The following SHISAL2B variants were observed in gnomAD, a reference collection of about 807,000 sequenced individuals.
SHISAL2B encodes protein shisa-like-2B.
A neutral mutation model predicts 16.5 loss-of-function variants in SHISAL2B; 12 were observed. The observed-to-expected ratio is 0.73, with a 90% CI of 0.47 to 1.18. SHISAL2B has a LOEUF of 1.18. Ranked by LOEUF, SHISAL2B falls within the 50% of genes most tolerant of loss-of-function variation. The pLI, the probability that SHISAL2B is intolerant of heterozygous loss-of-function variation, is 0.00. For synonymous variants in SHISAL2B, 72 were observed against 75.0 expected, an observed-to-expected ratio of 0.96 and a Z score of 0.21; for missense variants, 183 against 193.6, an observed-to-expected ratio of 0.95 and a Z score of 0.33.
At chr5:64,695,372 T>C (rs1741718016) in intron 1 of SHISAL2B, 135 bp from the exon 2 acceptor site, 1 of 549,818 alleles carries the variant, frequency 1.8e-6, no homozygotes, top group South Asian at 4.2e-5. Context: ...TTTCAATCAG[T>C]TCCTTTTTAT....
chr5:64,692,178 AATCT>A (rs1741660431), intron 1 of SHISAL2B, among the ~76,000 whole-genome samples: 1 of 152,232 alleles, frequency 6.6e-6, no homozygotes, highest in African/African-American at 2.4e-5. Flanking sequence ...ATAACAGAGT[AATCT>A]ATCTCTGGGT....
At chr5:64,715,026 A>T (rs1742025087) in intron 2 of SHISAL2B, among the ~76,000 whole-genome samples, 1 of 152,196 alleles carries the variant, frequency 6.6e-6, no homozygotes, top group South Asian at 2.1e-4. Context: ...TGGGAGCTGT[A>T]GACCGGAGCT....
chr5:64,702,698 T>C (rs1200790917), intron 2 of SHISAL2B, among the ~76,000 whole-genome samples: 1 of 152,128 alleles, frequency 6.6e-6, no homozygotes, highest in African/African-American at 2.4e-5. Context: ...TATTTTCTTC[T>C]AATGCATTTT....
Position 64,695,378 on chromosome 5 carries a change from T to C in SHISAL2B, c.192-129T>C, listed in dbSNP as rs899340579. ...AACTGTAGATTTCAATCAGTTCCTTTTTATGCTAAAATACAATTTGGTTAT... is the reference window on the plus strand; with the variant it reads ...AACTGTAGATTTCAATCAGTTCCTTCTTATGCTAAAATACAATTTGGTTAT... On this transcript the variant is annotated intron_variant, in intron 1 of 2. Coordinates refer to ENST00000389074, the MANE Select transcript of SHISAL2B (RefSeq NM_001164442.2). 7 of 580,860 alleles carry C rather than the reference T, an allele frequency of 1.2e-5. No homozygotes were observed. The Admixed American group carries it at 1.5e-4, about 12-fold the overall frequency. The allele number at this position is 580,860 out of a possible 1,614,324, so 36.0% of individuals were successfully genotyped here.
At chr5:64,698,357 A>G (rs1252781754) in intron 2 of SHISAL2B, among the ~76,000 whole-genome samples, 1 of 152,282 alleles carries the variant, frequency 6.6e-6, no homozygotes, top group East Asian at 1.9e-4. Context: ...ATCTCTTTCA[A>G]TAGAGAAAAC....
intron 2 of SHISAL2B, among the ~76,000 whole-genome samples, chr5:64,698,931 C>T (rs1381682568): frequency 6.6e-6 from 1 of 152,224 alleles, no homozygotes; most frequent in Admixed American, 6.5e-5. Context: ...ATTGCCTTCT[C>T]TATACAACGC....
In SHISAL2B at chr5:64,709,032, CTTTT is replaced by C. The variant is rs141260138; in HGVS notation, c.350-8846_350-8843del. 2.2e-5 allele frequency among the ~76,000 whole-genome samples: 3 copies of C among 137,280 alleles called. No individual in the cohort carries two copies. In the East Asian group the frequency reaches 6.3e-4, roughly 29 times the overall value. The allele number at this position is 137,280 out of a possible 152,430, so 90.1% of individuals were successfully genotyped here. A position where few individuals can be genotyped will look rare whatever the true frequency, so the allele number is the denominator to read the frequency against. On this transcript the variant is annotated intron_variant, in intron 2 of 2. Transcript: ENST00000389074. Reference sequence around the variant, plus strand: ...ATGGAAGCTGCAGTGAGACATCTTTCTTTTTTTTTTTTTTAATATTATACTTTAA... The same window carrying C: ...ATGGAAGCTGCAGTGAGACATCTTTCTTTTTTTTTTAATATTATACTTTAA...
chr5:64,702,241 G>C (rs981728354), intron 2 of SHISAL2B, among the ~76,000 whole-genome samples: 2 of 151,756 alleles, frequency 1.3e-5, no homozygotes, highest in African/African-American at 4.8e-5. Flanking sequence ...GCTCTTGTCG[G>C]CCAGGCTGGA....
intron 1 of SHISAL2B, among the ~76,000 whole-genome samples, chr5:64,695,140 C>T (rs1357895478): frequency 6.6e-6 from 1 of 152,036 alleles, no homozygotes; most frequent in African/African-American, 2.4e-5. Flanking sequence ...TGGCGTGCAC[C>T]TGTAGTCCCA....
chr5:64,700,153 C>T (rs1434507789), intron 2 of SHISAL2B, among the ~76,000 whole-genome samples: 1 of 152,020 alleles, frequency 6.6e-6, no homozygotes, highest in African/African-American at 2.4e-5. Flanking sequence ...TCTGAGTCTA[C>T]ACTCTGAGGG....
chr5:64,694,017 C>T (rs1741692005), intron 1 of SHISAL2B: 2 of 449,650 alleles, frequency 4.4e-6, no homozygotes, highest in Non-Finnish European at 8.9e-6. Context: ...GTTCTGTTCT[C>T]CTTCCTCCCA....
At chr5:64,695,116 T>C (rs1478698930) in intron 1 of SHISAL2B, among the ~76,000 whole-genome samples, 1 of 151,844 alleles carries the variant, frequency 6.6e-6, no homozygotes, top group Non-Finnish European at 1.5e-5. Context: ...ATACAAAAAA[T>C]TAACTGGGCA....
At chr5:64,697,636 A>C (rs895489223) in intron 2 of SHISAL2B, among the ~76,000 whole-genome samples, 2 of 152,102 alleles carry the variant, frequency 1.3e-5, no homozygotes, top group African/African-American at 2.4e-5. Context: ...TTATAGATAT[A>C]AATGGAATTT....
intron 2 of SHISAL2B, among the ~76,000 whole-genome samples, chr5:64,700,653 T>C (rs1741796404): frequency 6.6e-6 from 1 of 152,160 alleles, no homozygotes; most frequent in African/African-American, 2.4e-5. Flanking sequence ...CCTCAAATGA[T>C]CCACCTGTGT....
chr5:64,690,699 C>A lies in SHISAL2B; in HGVS notation c.76C>A (p.Arg26=), dbSNP rs761550753. 6.5e-7 allele frequency: 1 copy of A among 1,535,076 alleles called. No homozygotes were observed. Among genetic ancestry groups the A allele is most frequent in the Non-Finnish European group, 8.7e-7 (1 of 1,146,212 alleles). Residue 26 remains arginine, a synonymous_variant, in exon 1 of 3, where the codon CGG becomes AGG. Transcript: ENST00000389074. ...CTTCGTGGAGCCCTTCCAGTGCCCCCGGCGCGGCGAGGGGGCAGCGCTCCA... is the reference window on the plus strand; with the variant it reads ...CTTCGTGGAGCCCTTCCAGTGCCCCAGGCGCGGCGAGGGGGCAGCGCTCCA... ...QSFVEPFQCP[R]RGEGAALQYC...
At chr5:64,709,547 A>G (rs983361236) in intron 2 of SHISAL2B, among the ~76,000 whole-genome samples, 296 of 151,472 alleles carry the variant, frequency 2.0e-3, no homozygotes, top group Non-Finnish European at 3.3e-3. Flanking sequence ...ATTTGGGTAT[A>G]TACCTAGTAA....
At position 64,690,551 on chromosome 5, in the gene SHISAL2B, CT is replaced by C. The variant is rs562261255; in HGVS notation, c.-72del. ...GTCCGGGCAGAGGGGTCCGCGGGCT[CT>C]GGAGGTGCTGGACGGGTGCGATCCG... On this transcript the variant is annotated 5_prime_UTR_variant, in exon 1 of 3. Transcript: ENST00000389074. 6,491 of 1,281,420 alleles carry C rather than the reference CT, an allele frequency of 5.1e-3. 34 individuals are homozygous for C. Among genetic ancestry groups the C allele is most frequent in the Middle Eastern group, 0.016 (55 of 3,502 alleles). The allele number at this position is 1,281,420 out of a possible 1,614,324, so 79.4% of individuals were successfully genotyped here.
chr5:64,708,287 T>C (rs1279412741), intron 2 of SHISAL2B, among the ~76,000 whole-genome samples: 1 of 152,118 alleles, frequency 6.6e-6, no homozygotes, highest in Non-Finnish European at 1.5e-5. Context: ...TTCTGGGGAC[T>C]AATAGCAAAA....
At position 64,695,488 on chromosome 5, in the gene SHISAL2B, T is replaced by A. The variant is rs1039043094; in HGVS notation, c.192-19T>A. ...TGAACCACTTTGTGTGACACATATT[T>A]TTTTTCTGTTTTCCTCAGCATTGGT... On this transcript the variant is annotated intron_variant, in intron 1 of 2. Transcript: ENST00000389074. The A allele has an allele frequency of 2.6e-6, 4 of 1,516,006 alleles. No homozygotes were observed. Among genetic ancestry groups the A allele is most frequent in the Non-Finnish European group, 3.5e-6 (4 of 1,136,142 alleles). The allele number at this position is 1,516,006 out of a possible 1,614,324, so 93.9% of individuals were successfully genotyped here.
Sources: allele counts gnomAD v4.1 joint callset (sites outside exome capture counted in the v4.1 genomes callset), GRCh38; gene constraint gnomAD v4.1.1; transcripts MANE v1.5; gene names NCBI Gene and HGNC (gene_info 2026-07-23, HGNC 2026-07-21).